Variants in WWC1 observed in about 807,000 individuals in gnomAD.
The protein encoded by WWC1 is WW and C2 domain containing 1.
Under a neutral mutation model 138.4 loss-of-function variants are expected in WWC1, and 55 were observed. The ratio of observed to expected loss-of-function variants is 0.40; its 90% CI spans 0.32 to 0.50. The LOEUF is 0.50. Ranked by LOEUF, WWC1 falls within the 20% of genes least tolerant of loss-of-function variation. The probability of loss-of-function intolerance (pLI) is 0.72; values close to 1 mark genes in which losing one functional copy is unlikely to be tolerated. For missense variants in WWC1, 1,226 were observed against 1,420.4 expected (o/e 0.86, Z 2.20); for synonymous variants, 524 against 564.9 (o/e 0.93, Z 1.03).
chr5:168,426,820 A>G (rs1402840660), intron 11 of WWC1, among the ~76,000 whole-genome samples: 2 of 152,236 alleles, frequency 1.3e-5, no homozygotes, highest in Non-Finnish European at 2.9e-5. Flanking sequence ...GCAGGTGCTC[A>G]GAGGTGTTAG....
At chr5:168,299,313 A>T (rs550219769) in intron 1 of WWC1, among the ~76,000 whole-genome samples, 1 of 152,170 alleles carries the variant, frequency 6.6e-6, no homozygotes, top group East Asian at 1.9e-4. Flanking sequence ...GATCTCAGGG[A>T]GAGACTTTGC....
At chr5:168,422,239 A>C in intron 10 of WWC1, 142 bp downstream of exon 10, 1 of 804,924 alleles carries the variant, frequency 1.2e-6, no homozygotes, top group Admixed American at 2.2e-5. Flanking sequence ...ATGGATTGTC[A>C]GCAGACTCGG....
At chr5:168,399,794 T>A (rs1282838014) in intron 5 of WWC1, among the ~76,000 whole-genome samples, 2 of 152,170 alleles carry the variant, frequency 1.3e-5, no homozygotes, top group Admixed American at 1.3e-4. Context: ...AGAACACTCA[T>A]TGTCCCGTGG....
chr5:168,444,425 C>T (rs1259131791), intron 16 of WWC1, 69 bp from the exon 17 acceptor site: 10 of 1,459,520 alleles, frequency 6.9e-6, no homozygotes, highest in Non-Finnish European at 9.3e-6. Flanking sequence ...CTCTGAGATG[C>T]TCTGATTCCT....
At chr5:168,328,105 T>A (rs1251633304) in intron 1 of WWC1, among the ~76,000 whole-genome samples, 1 of 152,132 alleles carries the variant, frequency 6.6e-6, no homozygotes, top group Non-Finnish European at 1.5e-5. Flanking sequence ...AATTTAGGAG[T>A]CCAAGTTCAG....
Position 168,304,468 on chromosome 5 carries a change from T to G in WWC1, c.119+12197T>G, listed in dbSNP as rs1056700234. 3.3e-5 allele frequency among the ~76,000 whole-genome samples: 5 copies of G among 152,360 alleles called. 1 individual carries two copies. The highest frequency in any genetic ancestry group is 1.2e-4 in the African/African-American group (5 of 41,590). Reference sequence around the variant, plus strand: ...CCAGTGGAGGACCTTGGGTTTTTCTTCAGCCTCTTCACTGGTCACGAGGCC... The same window carrying G: ...CCAGTGGAGGACCTTGGGTTTTTCTGCAGCCTCTTCACTGGTCACGAGGCC... On this transcript the variant is annotated intron_variant, in intron 1 of 22. Transcript: ENST00000265293.
intron 5 of WWC1, 127 bp downstream of exon 5, chr5:168,399,694 A>G (rs936735352): frequency 5.3e-6 from 5 of 944,642 alleles, no homozygotes; most frequent in African/African-American, 1.6e-5. Flanking sequence ...TCATCATTCA[A>G]TTCAAGTTCT....
chr5:168,425,494 CTT>C (rs541197702), intron 11 of WWC1, among the ~76,000 whole-genome samples: 23 of 135,454 alleles, frequency 1.7e-4, no homozygotes, highest in Non-Finnish European at 1.1e-4. Flanking sequence ...TTTTAATCTC[CTT>C]TTTTTTTTTT....
chr5:168,361,587 A>T (rs976037750), intron 1 of WWC1, among the ~76,000 whole-genome samples: 7 of 152,176 alleles, frequency 4.6e-5, no homozygotes, highest in African/African-American at 1.4e-4. Flanking sequence ...CAAGCCCAGC[A>T]CCAAGCTGAT....
At chr5:168,380,761 A>G (rs1777566568) in intron 2 of WWC1, among the ~76,000 whole-genome samples, 3 of 152,216 alleles carry the variant, frequency 2.0e-5, no homozygotes, top group African/African-American at 7.2e-5. Flanking sequence ...CAAACTAACA[A>G]TTTATCACAA....
chr5:168,394,641 G>A (rs754019077), intron 3 of WWC1, among the ~76,000 whole-genome samples: 1 of 152,138 alleles, frequency 6.6e-6, no homozygotes, highest in East Asian at 1.9e-4. Context: ...CAGGAGAATC[G>A]CTTAAACCCT....
In WWC1 at chr5:168,423,536, C is replaced by T. The variant is rs991611450; in HGVS notation, c.1278C>T (p.Leu426=). 1.9e-6 allele frequency: 3 copies of T among 1,609,644 alleles called. No homozygotes were observed. Among genetic ancestry groups the T allele is most frequent in the Non-Finnish European group, 2.5e-6 (3 of 1,177,924 alleles). The change falls in exon 11 of 23, where the codon CTC becomes CTT. Residue 426 remains leucine, a synonymous_variant. Transcript: ENST00000265293. ...VATLHSQLKS[L]SSSMQSLSSG... is the part of the protein sequence containing the mutation. ...CCTTCCCCTCCCTGTGTCCCAGTCTCTCAAGCAGCATGCAGTCCCTGTCCT... is the reference window on the plus strand; with the variant it reads ...CCTTCCCCTCCCTGTGTCCCAGTCTTTCAAGCAGCATGCAGTCCCTGTCCT...
At position 168,470,206 on chromosome 5, in the gene WWC1, C is replaced by T. The variant is rs1403123848; in HGVS notation, c.*1189C>T. 6.6e-6 allele frequency: 1 copy of T among 152,276 alleles called. No homozygotes were observed. The highest frequency in any genetic ancestry group is 1.5e-5 in the Non-Finnish European group (1 of 68,102). The allele number at this position is 152,276 out of a possible 1,614,324, so 9.4% of individuals were successfully genotyped here. ...AACAAATAGCAACAGCCACAAATCT[C>T]TTCCTCCTTCCTCTCTGACATTACC... On this transcript the variant is annotated 3_prime_UTR_variant, in exon 23 of 23. Coordinates refer to ENST00000265293, the MANE Select transcript of WWC1 (RefSeq NM_015238.3).
At chr5:168,320,309 A>G (rs1463878420) in intron 1 of WWC1, among the ~76,000 whole-genome samples, 1 of 152,170 alleles carries the variant, frequency 6.6e-6, no homozygotes, top group African/African-American at 2.4e-5. Context: ...TGCTGGGATT[A>G]TAGGCGTTAA....
At chr5:168,460,179 G>A (rs1289129371) in intron 19 of WWC1, among the ~76,000 whole-genome samples, 1 of 152,148 alleles carries the variant, frequency 6.6e-6, no homozygotes, top group African/African-American at 2.4e-5. Flanking sequence ...AGTCAGTAAA[G>A]GCAGGCTCCA....
intron 3 of WWC1, among the ~76,000 whole-genome samples, chr5:168,387,570 A>G (rs79100248): frequency 0.15 from 23,190 of 152,128 alleles, 1,952 homozygotes; most frequent in African/African-American, 0.18. Flanking sequence ...TTATCTTCTT[A>G]CAGTTCTAGA....
At chr5:168,345,253 C>T (rs142024167) in intron 1 of WWC1, among the ~76,000 whole-genome samples, 2,784 of 152,244 alleles carry the variant, frequency 0.018, 38 homozygotes, top group South Asian at 0.054. Flanking sequence ...TACAGGCATG[C>T]ACCACCATGC....
At chr5:168,331,128 T>C (rs1216691245) in intron 1 of WWC1, among the ~76,000 whole-genome samples, 1 of 152,152 alleles carries the variant, frequency 6.6e-6, no homozygotes, top group Non-Finnish European at 1.5e-5. Context: ...CTGGGGGCTG[T>C]GTGGATACAT....
At chr5:168,434,236 G>A (rs978720180) in intron 15 of WWC1, among the ~76,000 whole-genome samples, 13 of 152,206 alleles carry the variant, frequency 8.5e-5, no homozygotes, top group Non-Finnish European at 1.8e-4. Context: ...CAGCCAAAGC[G>A]CTCATCTCAC....
Sources: gnomAD v4.1 joint callset for allele counts (sites outside exome capture counted in the v4.1 genomes callset) on GRCh38, gnomAD v4.1.1 for gene constraint, MANE v1.5 for transcripts, NCBI Gene and HGNC (gene_info 2026-07-23, HGNC 2026-07-21) for gene names.